The following TRAPPC9 variants were observed in gnomAD, a reference collection of about 807,000 sequenced individuals.
The protein encoded by TRAPPC9 is IKK2 binding protein.
Under a neutral mutation model 124.0 loss-of-function variants are expected in TRAPPC9, and 83 were observed. That is an observed-to-expected ratio of 0.67 (90% CI 0.56 to 0.80). The LOEUF is 0.80. Among genes scored for constraint, TRAPPC9 ranks in the 30% least tolerant of loss-of-function variants. The pLI, the probability that TRAPPC9 is intolerant of heterozygous loss-of-function variation, is 0.00. For synonymous variants in TRAPPC9, 638 were observed against 617.5 expected (o/e 1.03, Z -0.49); for missense variants, 1,302 against 1,508.3 (o/e 0.86, Z 2.27).
At chr8:140,375,848 A>C (rs1010982298) in intron 7 of TRAPPC9, among the ~76,000 whole-genome samples, 11 of 152,206 alleles carry the variant, frequency 7.2e-5, no homozygotes, top group African/African-American at 1.4e-4. Context: ...GTGTAGGGGC[A>C]GCCTGGTGGC....
intron 21 of TRAPPC9, among the ~76,000 whole-genome samples, chr8:139,826,960 C>T (rs1329394731): frequency 2.0e-5 from 3 of 152,136 alleles, no homozygotes; most frequent in South Asian, 2.1e-4. Context: ...AGGGAATATA[C>T]GTGTGATCAA....
chr8:139,799,206 A>G (rs1298306181), intron 21 of TRAPPC9, among the ~76,000 whole-genome samples: 2 of 152,084 alleles, frequency 1.3e-5, no homozygotes, highest in East Asian at 3.9e-4. Context: ...GATAGCAAGA[A>G]AACCTATCAT....
At chr8:140,195,872 T>A (rs12677492) in intron 17 of TRAPPC9, among the ~76,000 whole-genome samples, 51,528 of 138,676 alleles carry the variant, frequency 0.37, 9,147 homozygotes, top group East Asian at 0.59. Context: ...TAAAACACAC[T>A]CAACGATCCA....
chr8:140,347,031 T>A (rs898429491), intron 9 of TRAPPC9, among the ~76,000 whole-genome samples: 8 of 152,252 alleles, frequency 5.3e-5, no homozygotes, highest in African/African-American at 1.9e-4. Flanking sequence ...CCCACACTGG[T>A]GGACTGGGCA....
chr8:140,092,481 G>C (rs888315411), intron 17 of TRAPPC9, among the ~76,000 whole-genome samples: 2 of 152,144 alleles, frequency 1.3e-5, no homozygotes, highest in Non-Finnish European at 2.9e-5. Flanking sequence ...ACAGGCATGA[G>C]CCACCACGCG....
At chr8:140,061,312 C>T (rs1044822480) in intron 17 of TRAPPC9, among the ~76,000 whole-genome samples, 2 of 147,254 alleles carry the variant, frequency 1.4e-5, no homozygotes, top group African/African-American at 4.9e-5. Context: ...CCTGTTGTGT[C>T]CTCTCTTGCA....
At chr8:140,223,596 T>C (rs1229139131) in intron 16 of TRAPPC9, among the ~76,000 whole-genome samples, 4 of 152,238 alleles carry the variant, frequency 2.6e-5, no homozygotes, top group Admixed American at 6.5e-5. Context: ...CTAAAGCTTC[T>C]TGTGATAAGA....
chr8:139,952,052 T>C (rs1834677047), intron 19 of TRAPPC9, among the ~76,000 whole-genome samples: 1 of 152,218 alleles, frequency 6.6e-6, no homozygotes, highest in African/African-American at 2.4e-5. Context: ...GTGAAGGAAA[T>C]AATCATCTCC....
intron 21 of TRAPPC9, among the ~76,000 whole-genome samples, chr8:139,845,933 A>C (rs1165290526): frequency 6.6e-6 from 1 of 152,180 alleles, no homozygotes; most frequent in Non-Finnish European, 1.5e-5. Context: ...CATGGGTCAG[A>C]GCGGTGGAGG....
At chr8:139,932,775 A>C (rs568940875) in intron 19 of TRAPPC9, 1 of 347,750 alleles carries the variant, frequency 2.9e-6, no homozygotes, top group Admixed American at 3.9e-5. Context: ...AAAAAAAAAA[A>C]GCACTGTCAT....
At chr8:139,879,479 A>G (rs1256434591) in intron 21 of TRAPPC9, among the ~76,000 whole-genome samples, 1 of 152,120 alleles carries the variant, frequency 6.6e-6, no homozygotes, top group East Asian at 1.9e-4. Flanking sequence ...TGAACTCTCC[A>G]CCTGTCCCTG....
rs367871392 is a variant in TRAPPC9, at chr8:140,221,616, C to T, written c.2432-33G>A. The T allele has an allele frequency of 7.6e-5, 122 of 1,602,348 alleles. 1 individual carries two copies. In the African/African-American group the frequency reaches 1.2e-3, roughly 16 times the overall value. ...ATAAGAACAAAAATCATAAGTAACA[C>T]GTCAGCTTGGTTTTGGGGTTTGTTG... On this transcript the variant is annotated intron_variant, in intron 16 of 22. Coordinates refer to ENST00000438773, the MANE Select transcript of TRAPPC9 (RefSeq NM_001160372.4).
At chr8:140,393,555 C>T (rs2068995416) in intron 7 of TRAPPC9, among the ~76,000 whole-genome samples, 1 of 152,166 alleles carries the variant, frequency 6.6e-6, no homozygotes, top group African/African-American at 2.4e-5. Flanking sequence ...AGAAGGAACT[C>T]AGCAGTGAAT....
intron 17 of TRAPPC9, among the ~76,000 whole-genome samples, chr8:140,107,154 C>A (rs1293261797): frequency 6.6e-6 from 1 of 152,132 alleles, no homozygotes; most frequent in Non-Finnish European, 1.5e-5. Context: ...ATTGAAACCA[C>A]CACCAGGAGC....
In TRAPPC9 at chr8:140,232,920, G is replaced by GT. The variant is rs2063634455; in HGVS notation, c.2432-11338dup. 2.6e-5 allele frequency among the ~76,000 whole-genome samples: 4 copies of GT among 152,224 alleles called. No individual in the cohort carries two copies. The South Asian group carries it at 8.3e-4, about 32-fold the overall frequency. On this transcript the variant is annotated intron_variant, in intron 16 of 22. Transcript: ENST00000438773. ...GAATGGTGGTTTCCCAAGCCAAAGC[G>GT]TGACATGTGCTTGTTCTCCTTTTAG...
chr8:139,853,346 T>C (rs1171029728), intron 21 of TRAPPC9, among the ~76,000 whole-genome samples: 1 of 152,170 alleles, frequency 6.6e-6, no homozygotes, highest in African/African-American at 2.4e-5. Flanking sequence ...TTTCCAAATC[T>C]CTTCTCCTTT....
At chr8:140,054,950 T>C (rs574441698) in intron 17 of TRAPPC9, among the ~76,000 whole-genome samples, 1 of 152,338 alleles carries the variant, frequency 6.6e-6, no homozygotes, top group South Asian at 2.1e-4. Context: ...ATGGCTTCAC[T>C]GGTGAATTCT....
rs1316349237 is a variant in TRAPPC9 at position 139,729,757 on chromosome 8, C to T, written c.*1304G>A. On this transcript the variant is annotated 3_prime_UTR_variant, in exon 23 of 23. Coordinates refer to ENST00000438773, the MANE Select transcript of TRAPPC9 (RefSeq NM_001160372.4). ...CGCAGGCCTCCTGATGCCAACATGA[C>T]TCTGCCCCATGGGAGGCCAGGGCAG... Among the ~76,000 whole-genome samples, 1 of 152,244 alleles carries T rather than the reference C, an allele frequency of 6.6e-6. No individual in the cohort carries two copies. Among genetic ancestry groups the T allele is most frequent in the African/African-American group, 2.4e-5 (1 of 41,460 alleles).
chr8:140,090,709 T>C (rs970820357), intron 17 of TRAPPC9, among the ~76,000 whole-genome samples: 4 of 152,258 alleles, frequency 2.6e-5, no homozygotes, highest in African/African-American at 7.2e-5. Context: ...ACAAAGTACA[T>C]GAGCCCATCC....
Sources: allele counts gnomAD v4.1 joint callset (sites outside exome capture counted in the v4.1 genomes callset), GRCh38; gene constraint gnomAD v4.1.1; transcripts MANE v1.5; gene names NCBI Gene and HGNC (gene_info 2026-07-23, HGNC 2026-07-21).